Variants in DENND4A observed in about 807,000 individuals in gnomAD.
DENND4A encodes the protein DENN domain containing 4A, also known as C-myc promoter-binding protein.
Under a neutral mutation model 199.3 loss-of-function variants are expected in DENND4A, and 70 were observed. That is an observed-to-expected ratio of 0.35 (90% CI 0.29 to 0.43). DENND4A has a LOEUF of 0.43. Ranked by LOEUF, DENND4A falls within the 20% of genes least tolerant of loss-of-function variation. The pLI is 1.00. For missense variants in DENND4A, 1,723 were observed against 2,255.8 expected, an observed-to-expected ratio of 0.76 and a Z score of 4.78; for synonymous variants, 686 against 766.9, an observed-to-expected ratio of 0.89 and a Z score of 1.74.
Position 65,700,645 on chromosome 15 carries a change from T to G in DENND4A, c.2732A>C (p.His911Pro). The change falls in exon 20 of 33, where the codon CAT becomes CCT. Residue 911 changes from histidine (H) to proline (P), a missense_variant. His to Pro is a moderately conservative substitution (Grantham distance 77). This residue lies in a region of DENND4A where 650 missense variants were observed against 738.1 expected (regional missense o/e 0.88). Transcript: ENST00000443035. ...ADGSDLDAVS[H>P]GSMDSGHGTH... ...CCCATGACCACTATCCATGCTGCCA[T>G]GACTAACAGCATCCAGGTCACTGCC... 1 of 1,543,476 alleles carries G rather than the reference T, an allele frequency of 6.5e-7. No homozygotes were observed.
intron 1 of DENND4A, among the ~76,000 whole-genome samples, chr15:65,765,712 G>A (rs747986077): frequency 2.6e-5 from 4 of 152,174 alleles, no homozygotes; most frequent in Non-Finnish European, 5.9e-5. Context: ...AGGATCCCTA[G>A]TATTGCCCTG....
At chr15:65,750,245 T>C (rs2076526461) in intron 4 of DENND4A, among the ~76,000 whole-genome samples, 1 of 152,138 alleles carries the variant, frequency 6.6e-6, no homozygotes, top group Non-Finnish European at 1.5e-5. Context: ...GAAAACTAAA[T>C]ACTGCATTTT....
chr15:65,748,655 AAAAG>A (rs1301863757), intron 4 of DENND4A, among the ~76,000 whole-genome samples: 4 of 151,554 alleles, frequency 2.6e-5, no homozygotes, highest in Non-Finnish European at 5.9e-5. Flanking sequence ...AAAACAAAGA[AAAAG>A]AAAGAAAGAA....
At chr15:65,676,309 T>C (rs2076382328) in intron 24 of DENND4A, 136 bp downstream of exon 24, 1 of 750,464 alleles carries the variant, frequency 1.3e-6, no homozygotes, top group African/African-American at 1.8e-5. Context: ...TTGGTTTTAT[T>C]GTTTTGACTT....
chr15:65,747,045 G>A (rs1029276974), intron 4 of DENND4A, among the ~76,000 whole-genome samples: 5 of 151,616 alleles, frequency 3.3e-5, no homozygotes, highest in Non-Finnish European at 7.4e-5. Flanking sequence ...GGTGGAGGTT[G>A]CAGGGAGCCG....
intron 11 of DENND4A, 34 bp downstream of exon 11, chr15:65,729,038 A>G: frequency 6.5e-7 from 1 of 1,536,912 alleles, no homozygotes; most frequent in Non-Finnish European, 8.8e-7. Context: ...CAAAGTTGTA[A>G]AATATACATG....
At chr15:65,711,741 T>C (rs894018555) in intron 14 of DENND4A, among the ~76,000 whole-genome samples, 20 of 152,208 alleles carry the variant, frequency 1.3e-4, no homozygotes, top group African/African-American at 4.3e-4. Flanking sequence ...CTACTGTTTG[T>C]ATATCTCAAT....
intron 3 of DENND4A, 31 bp downstream of exon 3, chr15:65,756,109 A>G (rs1179955419): frequency 6.5e-7 from 1 of 1,536,176 alleles, no homozygotes; most frequent in Non-Finnish European, 8.8e-7. Context: ...ATTTGGATCA[A>G]TAACAGTAAG....
At chr15:65,728,229 C>T (rs927252908) in intron 11 of DENND4A, among the ~76,000 whole-genome samples, 3 of 152,098 alleles carry the variant, frequency 2.0e-5, no homozygotes, top group African/African-American at 7.2e-5. Flanking sequence ...TCTCGAACTC[C>T]TGACCTCAAG....
chr15:65,695,884 G>C (rs532831600), intron 22 of DENND4A, among the ~76,000 whole-genome samples: 35 of 151,706 alleles, frequency 2.3e-4, no homozygotes, highest in Non-Finnish European at 4.7e-4. Flanking sequence ...TATCTCCTTT[G>C]ATACAAGCAT....
rs1384042689 is a variant in DENND4A at position 65,666,181 on chromosome 15, A to G, written c.5242-719T>C. On this transcript the variant is annotated intron_variant, in intron 29 of 32. Coordinates refer to ENST00000443035, the MANE Select transcript of DENND4A (RefSeq NM_001320835.1). ...AACCCTATATATACTGTATTTTCCT[A>G]TACATACATACTTGTGATATTTAAT... 3.3e-5 allele frequency among the ~76,000 whole-genome samples: 5 copies of G among 152,310 alleles called. No individual in the cohort carries two copies. In the South Asian group the frequency reaches 1.0e-3, roughly 32 times the overall value.
At chr15:65,741,031 GTATATGTA>G (rs1478583551) in intron 5 of DENND4A, among the ~76,000 whole-genome samples, 5 of 151,898 alleles carry the variant, frequency 3.3e-5, no homozygotes, top group South Asian at 2.1e-4. Context: ...GTATATAAAT[GTATATGTA>G]TATATGTATA....
chr15:65,770,331 A>G (rs750665033), intron 1 of DENND4A, among the ~76,000 whole-genome samples: 10 of 152,170 alleles, frequency 6.6e-5, no homozygotes, highest in Non-Finnish European at 4.4e-5. Flanking sequence ...AAATTTTGGC[A>G]GCCCTTCAAG....
chr15:65,697,119 G>A, intron 21 of DENND4A, 148 bp downstream of exon 21: 1 of 579,530 alleles, frequency 1.7e-6, no homozygotes, highest in South Asian at 2.2e-5. Flanking sequence ...ATGAGAGTAT[G>A]TGGTGGCTGA....
chr15:65,729,037 A>G, intron 11 of DENND4A, 35 bp downstream of exon 11: 2 of 1,537,944 alleles, frequency 1.3e-6, no homozygotes, highest in Non-Finnish European at 1.8e-6. Context: ...ACAAAGTTGT[A>G]AAATATACAT....
intron 4 of DENND4A, among the ~76,000 whole-genome samples, chr15:65,751,684 T>C (rs190607258): frequency 1.9e-3 from 292 of 152,288 alleles, no homozygotes; most frequent in Middle Eastern, 6.8e-3. Flanking sequence ...GAAGAGAGTA[T>C]ATTTCTTCTT....
intron 23 of DENND4A, among the ~76,000 whole-genome samples, chr15:65,677,056 A>T (rs2076404555): frequency 6.6e-6 from 1 of 152,162 alleles, no homozygotes; most frequent in Non-Finnish European, 1.5e-5. Flanking sequence ...TCTTTTTCTG[A>T]TTATATTAAA....
At chr15:65,734,649 G>T (rs1170475938) in intron 7 of DENND4A, among the ~76,000 whole-genome samples, 2 of 151,988 alleles carry the variant, frequency 1.3e-5, no homozygotes, top group Non-Finnish European at 2.9e-5. Context: ...CTAAACAAAC[G>T]TCAAGCAGGG....
chr15:65,774,831 A>G lies in DENND4A; in HGVS notation c.-101-13393T>C, dbSNP rs116272420. ...TATTATTTTTGCTTTTTTTAAAAAAAAATTTTGTGGATACTTAACAGTTTT... is the reference window on the plus strand; with the variant it reads ...TATTATTTTTGCTTTTTTTAAAAAAGAATTTTGTGGATACTTAACAGTTTT... On this transcript the variant is annotated intron_variant, in intron 1 of 32. Coordinates refer to ENST00000443035, the MANE Select transcript of DENND4A (RefSeq NM_001320835.1). 7.3e-3 allele frequency among the ~76,000 whole-genome samples: 1,106 copies of G among 151,566 alleles called. 14 individuals are homozygous for G. Among genetic ancestry groups the G allele is most frequent in the South Asian group, 0.04 (193 of 4,814 alleles).
Sources: allele counts gnomAD v4.1 joint callset (sites outside exome capture counted in the v4.1 genomes callset), GRCh38; gene constraint gnomAD v4.1.1; regional missense constraint gnomAD v4.1.1; transcripts MANE v1.5; gene names NCBI Gene and HGNC (gene_info 2026-07-23, HGNC 2026-07-21).